Variants in FRMD4B observed in about 807,000 individuals in gnomAD.
FRMD4B encodes FERM domain containing 4B.
A neutral mutation model predicts 141.5 loss-of-function variants in FRMD4B; 74 were observed. The observed-to-expected ratio is 0.52, with a 90% CI of 0.43 to 0.63. FRMD4B has a LOEUF of 0.63. Ranked by LOEUF, FRMD4B falls within the 30% of genes least tolerant of loss-of-function variation. The probability of loss-of-function intolerance (pLI) is 0.00; values close to 1 mark genes in which losing one functional copy is unlikely to be tolerated. For missense variants in FRMD4B, 1,366 were observed against 1,253.4 expected, an observed-to-expected ratio of 1.09 and a Z score of -1.36; for synonymous variants, 506 against 467.9, an observed-to-expected ratio of 1.08 and a Z score of -1.05.
At chr3:69,488,377 G>C (rs1706251793) in intron 1 of FRMD4B, among the ~76,000 whole-genome samples, 1 of 152,176 alleles carries the variant, frequency 6.6e-6, no homozygotes. Context: ...CATCATGTTA[G>C]AAAGATGGCA....
intron 5 of FRMD4B, among the ~76,000 whole-genome samples, chr3:69,276,271 T>C (rs1210293472): frequency 6.6e-6 from 1 of 152,188 alleles, no homozygotes. Flanking sequence ...GATGACAAGA[T>C]GTACTCTCTT....
chr3:69,168,794 C>T lies in FRMD4B; in HGVS notation c.*3067G>A, dbSNP rs970386385. 2.6e-5 allele frequency among the ~76,000 whole-genome samples: 4 copies of T among 152,070 alleles called. No individual in the cohort carries two copies. The highest frequency in any genetic ancestry group is 5.9e-5 in the Non-Finnish European group (4 of 68,018). On this transcript the variant is annotated 3_prime_UTR_variant, in exon 23 of 23. Transcript: ENST00000398540. ...ACCAAACTAATAGTTTAAAACAATT[C>T]CGGAATCTTTATTTCTTGTAATATT... is the stretch of plus-strand genomic sequence containing the variant.
chr3:69,194,267 A>T (rs1381719813), intron 16 of FRMD4B, among the ~76,000 whole-genome samples: 2 of 152,250 alleles, frequency 1.3e-5, no homozygotes, highest in African/African-American at 4.8e-5. Context: ...GACCCTGGAT[A>T]CACAGCTTCA....
chr3:69,258,423 C>A (rs778844884), intron 5 of FRMD4B, among the ~76,000 whole-genome samples: 29 of 151,892 alleles, frequency 1.9e-4, no homozygotes, highest in Admixed American at 3.3e-4. Flanking sequence ...ATGTTTTCAT[C>A]TTAGGGAAAC....
At chr3:69,379,769 T>C (rs1704067401) in intron 1 of FRMD4B, among the ~76,000 whole-genome samples, 1 of 152,224 alleles carries the variant, frequency 6.6e-6, no homozygotes, top group Admixed American at 6.5e-5. Context: ...TTGCATCAGC[T>C]ACTGAACTTT....
intron 11 of FRMD4B, among the ~76,000 whole-genome samples, chr3:69,215,282 C>CTTTTT (rs1559724064): frequency 2.4e-4 from 9 of 37,474 alleles, no homozygotes; most frequent in African/African-American, 5.3e-4. Context: ...GATTGTGACC[C>CTTTTT]TCTTTTTTTT....
At chr3:69,381,517 C>T (rs1171573032) in intron 1 of FRMD4B, among the ~76,000 whole-genome samples, 1 of 152,154 alleles carries the variant, frequency 6.6e-6, no homozygotes, top group Non-Finnish European at 1.5e-5. Context: ...AAAAATGACA[C>T]CTTTTTATCA....
chr3:69,529,692 T>C (rs1420700123), intron 1 of FRMD4B, among the ~76,000 whole-genome samples: 1 of 152,238 alleles, frequency 6.6e-6, no homozygotes, highest in South Asian at 2.1e-4. Flanking sequence ...TTACTATTCT[T>C]AATTTCACAG....
At chr3:69,220,627 A>G (rs2093184779) in intron 9 of FRMD4B, among the ~76,000 whole-genome samples, 1 of 152,172 alleles carries the variant, frequency 6.6e-6, no homozygotes, top group Non-Finnish European at 1.5e-5. Context: ...CGAGTTGGGC[A>G]GATCATTTGA....
chr3:69,426,321 CGTGTGTGT>C (rs55653336), intron 2 of FRMD4B, among the ~76,000 whole-genome samples: 2 of 149,720 alleles, frequency 1.3e-5, no homozygotes, highest in African/African-American at 2.4e-5. Context: ...CTTTTAAAAG[CGTGTGTGT>C]GTGTGTGTGT....
chr3:69,468,157 A>G (rs1005161827), intron 1 of FRMD4B, among the ~76,000 whole-genome samples: 3 of 143,738 alleles, frequency 2.1e-5, no homozygotes, highest in Non-Finnish European at 3.2e-5. Flanking sequence ...CTTTTTATTT[A>G]AAGTTTTTTT....
chr3:69,429,648 G>A (rs1404494422), intron 2 of FRMD4B, among the ~76,000 whole-genome samples: 2 of 151,938 alleles, frequency 1.3e-5, no homozygotes, highest in Non-Finnish European at 2.9e-5. Flanking sequence ...AATAAAACAG[G>A]TATAAGGGAG....
chr3:69,211,022 C>CAAAAAAAAAAAAAAAA (rs1559720205), intron 11 of FRMD4B, among the ~76,000 whole-genome samples: 1 of 3,366 alleles, frequency 3.0e-4, no homozygotes, highest in African/African-American at 5.9e-4. Context: ...AATGCCATCT[C>CAAAAAAAAAAAAAAAA]GAAAAAAAAA....
intron 5 of FRMD4B, among the ~76,000 whole-genome samples, chr3:69,272,029 T>C (rs1331026543): frequency 2.0e-5 from 3 of 152,160 alleles, no homozygotes; most frequent in Non-Finnish European, 4.4e-5. Flanking sequence ...TTTCTTCTTC[T>C]TTGTGGACTG....
upstream of FRMD4B, chr3:69,386,174 TGCCC>T: frequency 5.5e-6 from 3 of 549,926 alleles, no homozygotes; most frequent in Non-Finnish European, 9.5e-6. Context: ...TGGGATTGGG[TGCCC>T]GCCAGCCAAC....
chr3:69,230,906 T>C (rs1185732699), intron 7 of FRMD4B, among the ~76,000 whole-genome samples: 1 of 152,134 alleles, frequency 6.6e-6, no homozygotes, highest in Non-Finnish European at 1.5e-5. Flanking sequence ...ATGTCACACA[T>C]ATTGAGCAAA....
At chr3:69,419,503 C>T (rs1213900432) in intron 2 of FRMD4B, among the ~76,000 whole-genome samples, 1 of 143,272 alleles carries the variant, frequency 7.0e-6, no homozygotes, top group Non-Finnish European at 1.6e-5. Context: ...AGCAAGACTC[C>T]CTCAGTTATC....
chr3:69,284,637 C>A (rs951723501), intron 5 of FRMD4B, among the ~76,000 whole-genome samples: 1 of 152,004 alleles, frequency 6.6e-6, no homozygotes, highest in Non-Finnish European at 1.5e-5. Context: ...CAAAAAGATA[C>A]AATTAATAAT....
chr3:69,329,406 G>A (rs921066276), intron 1 of FRMD4B, among the ~76,000 whole-genome samples: 1 of 151,514 alleles, frequency 6.6e-6, no homozygotes, highest in Non-Finnish European at 1.5e-5. Flanking sequence ...CTGGAGTGCA[G>A]TAGCGCAATC....
Sources: allele counts gnomAD v4.1 joint callset (sites outside exome capture counted in the v4.1 genomes callset), GRCh38; gene constraint gnomAD v4.1.1; transcripts MANE v1.5; gene names NCBI Gene and HGNC (gene_info 2026-07-23, HGNC 2026-07-21).